Variants in CELA2B observed in about 807,000 individuals in gnomAD.
CELA2B encodes the protein chymotrypsin like elastase 2B.
Under a neutral mutation model 36.5 loss-of-function variants are expected in CELA2B, and 27 were observed. The observed-to-expected ratio is 0.74, with a 90% confidence interval of 0.55 to 1.02. CELA2B has a LOEUF of 1.02. CELA2B is among the 50% of genes least tolerant of loss of function. The pLI is 0.00. For missense variants in CELA2B, 340 were observed against 347.8 expected (o/e 0.98, Z 0.18); for synonymous variants, 143 against 148.5 (o/e 0.96, Z 0.27).
intron 7 of CELA2B, among the ~76,000 whole-genome samples, chr1:15,489,808 A>G (rs1198741301): frequency 1.3e-5 from 2 of 152,234 alleles, no homozygotes; most frequent in Non-Finnish European, 1.5e-5. Context: ...GAGAGTATCA[A>G]GTAAAAAAGT....
chr1:15,487,304 T>G lies in CELA2B; in HGVS notation c.659T>G (p.Leu220Arg). 6.2e-7 allele frequency: 1 copy of G among 1,614,214 alleles called. No individual in the cohort carries two copies. Among genetic ancestry groups the G allele is most frequent in the South Asian group, 1.1e-5 (1 of 91,078 alleles). Residue 220 changes from leucine to arginine, a missense_variant, in exon 7 of 8, where the codon CTG (leucine) becomes CGG (arginine). Coordinates refer to ENST00000375910, the MANE Select transcript of CELA2B (RefSeq NM_015849.3). ...CTCNGDSGGP[L>R]NCQASDGRWE... ...CCTCAGGGAGACTCCGGTGGGCCGC[T>G]GAACTGTCAGGCATCTGACGGCCGG... is the stretch of plus-strand genomic sequence containing the variant.
In CELA2B at chr1:15,483,274, G is replaced by T. The variant is rs752727312; in HGVS notation, c.367G>T (p.Ala123Ser). 8.4e-5 allele frequency: 135 copies of T among 1,613,760 alleles called. No homozygotes were observed. Among genetic ancestry groups the T allele is most frequent in the Non-Finnish European group, 1.1e-4 (132 of 1,179,876 alleles). Reference protein sequence around the residue: ...SDQVSKGNDIALLKLANPVSL... With the variant: ...SDQVSKGNDISLLKLANPVSL... ...TCCGCACTCACCCAGGAACGACATT[G>T]CCCTGCTCAAACTGGCTAACCCCGT... is the stretch of plus-strand genomic sequence containing the variant. Residue 123 changes from alanine to serine, a missense_variant, in exon 5 of 8, where the codon GCC (alanine) becomes TCC (serine). Physicochemically the swap from Ala to Ser is moderately conservative, Grantham distance 99. Coordinates refer to ENST00000375910, the MANE Select transcript of CELA2B (RefSeq NM_015849.3).
chr1:15,480,503 TG>T (rs573154279), intron 2 of CELA2B, among the ~76,000 whole-genome samples: 17 of 152,114 alleles, frequency 1.1e-4, no homozygotes, highest in Non-Finnish European at 2.5e-4. Context: ...TCAGCATGGC[TG>T]GGGAGGCCTC....
intron 2 of CELA2B, among the ~76,000 whole-genome samples, chr1:15,480,324 C>T (rs1708723636): frequency 6.6e-6 from 1 of 152,168 alleles, no homozygotes; most frequent in Non-Finnish European, 1.5e-5. Context: ...ATCCTCCCAT[C>T]TCAGCCTCCT....
At chr1:15,476,408 T>C in intron 1 of CELA2B, 49 bp from the exon 2 acceptor site, 2 of 1,573,040 alleles carry the variant, frequency 1.3e-6, no homozygotes, top group Admixed American at 1.7e-5. Flanking sequence ...ATAGTTTACA[T>C]TGTGTGGGTC....
At chr1:15,487,215 T>C (rs1430499265) in intron 6 of CELA2B, 70 bp from the exon 7 acceptor site, 49 of 1,430,376 alleles carry the variant, frequency 3.4e-5, no homozygotes, top group Non-Finnish European at 4.6e-5. Context: ...AGAAATGCAT[T>C]GAGAACAATG....
intron 2 of CELA2B, among the ~76,000 whole-genome samples, chr1:15,480,873 G>A (rs1180669355): frequency 6.6e-6 from 1 of 151,764 alleles, no homozygotes; most frequent in Non-Finnish European, 1.5e-5. Flanking sequence ...TCTGATTACA[G>A]GCATGAGCCA....
At chr1:15,476,692 T>C in intron 2 of CELA2B, 147 bp downstream of exon 2, 1 of 782,730 alleles carries the variant, frequency 1.3e-6, no homozygotes, top group East Asian at 2.7e-5. Context: ...ACCAACAAGA[T>C]ACATTTCCAG....
In CELA2B at chr1:15,486,015, C is replaced by T. The variant is rs200907848; in HGVS notation, c.608C>T (p.Ala203Val). ...ACCGTGAAGACGAATATGATCTGTG[C>T]TGGGGGTGATGGCGTGATATGCACC... ...GSTVKTNMIC[A>V]GGDGVICTCN... The change falls in exon 6 of 8, where the codon GCT (alanine) becomes GTT (valine). Residue 203 changes from alanine to valine, a missense_variant. By Grantham distance (64) the Ala-to-Val change is moderately conservative. Transcript: ENST00000375910. 34 of 1,614,092 alleles carry T rather than the reference C, an allele frequency of 2.1e-5. No individual in the cohort carries two copies. Among genetic ancestry groups the T allele is most frequent in the Non-Finnish European group, 2.9e-5 (34 of 1,179,974 alleles).
At chr1:15,489,216 C>G (rs1465593033) in intron 7 of CELA2B, among the ~76,000 whole-genome samples, 1 of 152,216 alleles carries the variant, frequency 6.6e-6, no homozygotes, top group African/African-American at 2.4e-5. Flanking sequence ...GCAATTGTCC[C>G]GATCTGTTGT....
intron 7 of CELA2B, 165 bp from the exon 8 acceptor site, chr1:15,491,130 T>C (rs1420890982): frequency 1.2e-5 from 9 of 758,438 alleles, no homozygotes; most frequent in Admixed American, 8.9e-5. Flanking sequence ...ATTGCATCTT[T>C]TTCTCCGAAA....
chr1:15,483,229 C>A, intron 4 of CELA2B, 35 bp from the exon 5 acceptor site: 4 of 1,612,464 alleles, frequency 2.5e-6, no homozygotes, highest in Non-Finnish European at 3.4e-6. Flanking sequence ...GAAAAGTCAA[C>A]CCTGTTCTCA....
rs1235484480 is a variant in CELA2B, at chr1:15,485,991, C to G, written c.584C>G (p.Thr195Ser). 6 of 1,614,174 alleles carry G rather than the reference C, an allele frequency of 3.7e-6. No homozygotes were observed. In the South Asian group the frequency reaches 6.6e-5, roughly 18 times the overall value. ...TCCAGCTCTGGCTGGTGGGGCAGCA[C>G]CGTGAAGACGAATATGATCTGTGCT... Reference protein sequence around the residue: ...TCSSSGWWGSTVKTNMICAGG... With the variant: ...TCSSSGWWGSSVKTNMICAGG... Residue 195 changes from threonine (T) to serine (S), a missense_variant, in exon 6 of 8, where the codon ACC (threonine) becomes AGC (serine). By Grantham distance (58) the Thr-to-Ser change is moderately conservative (BLOSUM62 1). Transcript: ENST00000375910.
intron 6 of CELA2B, among the ~76,000 whole-genome samples, chr1:15,486,623 G>A (rs534313125): frequency 7.9e-5 from 12 of 152,236 alleles, no homozygotes; most frequent in African/African-American, 2.2e-4. Context: ...TTTCCTCTAC[G>A]CTGGAAGGGA....
Position 15,476,257 on chromosome 1 carries a change from C to G in CELA2B, c.40+92C>G, listed in dbSNP as rs1368671497. On this transcript the variant is annotated intron_variant, in intron 1 of 7. Transcript: ENST00000375910. ...GTCCTCCCCTCTCGCCCCCACCCAA[C>G]CCCTACTGCATTCAGACCTATAATC... is the stretch of plus-strand genomic sequence containing the variant. The G allele has an allele frequency of 1.1e-5, 17 of 1,558,020 alleles. No individual in the cohort carries two copies. In the Admixed American group the frequency reaches 2.9e-4, roughly 27 times the overall value.
intron 7 of CELA2B, among the ~76,000 whole-genome samples, chr1:15,489,273 C>T (rs1023814631): frequency 1.3e-5 from 2 of 151,482 alleles, no homozygotes; most frequent in African/African-American, 4.8e-5. Flanking sequence ...GCCACAGACA[C>T]AAGCACAACA....
At position 15,491,149 on chromosome 1, in the gene CELA2B, G is replaced by C; in HGVS notation, c.793-146G>C. On this transcript the variant is annotated intron_variant, in intron 7 of 7. Transcript: ENST00000375910. Reference sequence around the variant, plus strand: ...CATCTTTTTCTCCGAAACATCATCTGAACTCCTCAGGCAGGAGCTACTGTA... The same window carrying C: ...CATCTTTTTCTCCGAAACATCATCTCAACTCCTCAGGCAGGAGCTACTGTA... The C allele has an allele frequency of 3.5e-6, 3 of 845,552 alleles. No individual in the cohort carries two copies. In the South Asian group the frequency reaches 4.2e-5, roughly 12 times the overall value. The allele number at this position is 845,552 out of a possible 1,614,324, so 52.4% of individuals were successfully genotyped here. A position where few individuals can be genotyped will look rare whatever the true frequency, so the allele number is the denominator to read the frequency against.
Position 15,477,644 on chromosome 1 carries a change from G to A in CELA2B, c.129+1099G>A, listed in dbSNP as rs193165490. ...ATATTCATAAAGCAATCTGAGTTAC[G>A]AGCCCATCCCGACTTTTACGACTTT... On this transcript the variant is annotated intron_variant, in intron 2 of 7. Coordinates refer to ENST00000375910, the MANE Select transcript of CELA2B (RefSeq NM_015849.3). Among the ~76,000 whole-genome samples the A allele has an allele frequency of 2.0e-3, 299 of 152,068 alleles. 1 individual carries two copies. Among genetic ancestry groups the A allele is most frequent in the Non-Finnish European group, 2.3e-3 (157 of 68,018 alleles).
chr1:15,485,864 C>T, intron 5 of CELA2B, 37 bp from the exon 6 acceptor site: 1 of 1,610,796 alleles, frequency 6.2e-7, no homozygotes, highest in South Asian at 1.1e-5. Flanking sequence ...CTCAGGAGTC[C>T]CTGCGTCCCT....
Sources: allele counts gnomAD v4.1 joint callset (sites outside exome capture counted in the v4.1 genomes callset), GRCh38; gene constraint gnomAD v4.1.1; transcripts MANE v1.5; gene names NCBI Gene and HGNC (gene_info 2026-07-23, HGNC 2026-07-21).